Variants in DNAJC2 observed in about 807,000 individuals in gnomAD.
DNAJC2 encodes DnaJ heat shock protein family (Hsp40) member C2, also known as dnaJ homolog subfamily C member 2.
A neutral mutation model predicts 94.0 loss-of-function variants in DNAJC2; 32 were observed. The ratio of observed to expected loss-of-function variants is 0.34; its 90% CI spans 0.26 to 0.46. The LOEUF is 0.46. DNAJC2 is among the 20% of genes least tolerant of loss of function. The pLI is 1.00. For missense variants in DNAJC2, 550 were observed against 719.5 expected (o/e 0.76, Z 2.69); for synonymous variants, 210 against 229.7 (o/e 0.91, Z 0.77).
At position 103,344,687 on chromosome 7, in the gene DNAJC2, C is replaced by T. The variant is rs1052281822; in HGVS notation, c.-65G>A. On this transcript the variant is annotated 5_prime_UTR_variant, in exon 1 of 17. Transcript: ENST00000379263. The stretch of plus-strand genomic sequence containing the variant: ...GTCCCGGGCGGAGGGCGCTTAGGGT[C>T]CCCTCCAGCTCTACCTCTCACTCCG... 1.2e-5 allele frequency: 18 copies of T among 1,542,300 alleles called. No individual in the cohort carries two copies. The highest frequency in any genetic ancestry group is 1.5e-5 in the Non-Finnish European group (17 of 1,129,588).
chr7:103,324,623 AAC>A, intron 5 of DNAJC2, 61 bp from the exon 6 acceptor site: 1 of 1,277,580 alleles, frequency 7.8e-7, no homozygotes, highest in Non-Finnish European at 1.0e-6. Context: ...CAGTTCAACA[AAC>A]AATTTAATTT....
At chr7:103,325,036 T>G (rs915498738) in intron 5 of DNAJC2, among the ~76,000 whole-genome samples, 2 of 152,204 alleles carry the variant, frequency 1.3e-5, no homozygotes, top group African/African-American at 4.8e-5. Flanking sequence ...GCTCAGCACT[T>G]CATTGATCAC....
intron 10 of DNAJC2, among the ~76,000 whole-genome samples, chr7:103,320,587 C>T (rs1278307668): frequency 6.6e-6 from 1 of 150,926 alleles, no homozygotes; most frequent in Non-Finnish European, 1.5e-5. Flanking sequence ...AGTGAAACCC[C>T]GTCTCTACTA....
chr7:103,315,219 A>C (rs867468519), intron 15 of DNAJC2, among the ~76,000 whole-genome samples: 37 of 151,856 alleles, frequency 2.4e-4, no homozygotes, highest in African/African-American at 8.7e-4. Context: ...GAACCCTAAC[A>C]ATTTTTAACA....
At chr7:103,341,031 C>T (rs886724735) in intron 2 of DNAJC2, among the ~76,000 whole-genome samples, 5 of 152,214 alleles carry the variant, frequency 3.3e-5, no homozygotes, top group Admixed American at 3.3e-4. Context: ...TTCTCTTTGT[C>T]TTGTGCCACA....
At chr7:103,318,886 C>T (rs964965605) in intron 12 of DNAJC2, among the ~76,000 whole-genome samples, 1 of 152,118 alleles carries the variant, frequency 6.6e-6, no homozygotes, top group East Asian at 1.9e-4. Flanking sequence ...CCATAAACAT[C>T]TAATCCAACT....
At chr7:103,329,088 A>T in intron 3 of DNAJC2, 1 of 893,078 alleles carries the variant, frequency 1.1e-6, no homozygotes, top group South Asian at 1.6e-5. Flanking sequence ...GGTGGTCAAC[A>T]ATTTTTTTGT....
intron 1 of DNAJC2, chr7:103,344,156 G>A (rs964367639): frequency 3.5e-5 from 7 of 199,204 alleles, no homozygotes; most frequent in Non-Finnish European, 7.1e-5. Context: ...GAGGGAGAAA[G>A]TTGTTTAAGA....
At chr7:103,328,173 C>T (rs1404135788) in intron 3 of DNAJC2, among the ~76,000 whole-genome samples, 2 of 151,598 alleles carry the variant, frequency 1.3e-5, no homozygotes, top group Admixed American at 6.6e-5. Context: ...CCACCCGCCT[C>T]GGCCTCCGAA....
At chr7:103,326,407 A>G (rs367841741) in intron 5 of DNAJC2, 136 bp downstream of exon 5, 20 of 835,452 alleles carry the variant, frequency 2.4e-5, no homozygotes, top group South Asian at 1.2e-4. Context: ...TATTGCAGAG[A>G]AGGAGGAGGA....
chr7:103,327,624 T>C (rs1348332401), intron 4 of DNAJC2, 32 bp downstream of exon 4: 2 of 1,371,708 alleles, frequency 1.5e-6, no homozygotes, highest in Non-Finnish European at 2.1e-6. Flanking sequence ...CAATTACTAT[T>C]AGAAATTCCT....
At chr7:103,335,938 T>C (rs187653072) in intron 3 of DNAJC2, 3,303 of 152,396 alleles carry the variant, frequency 0.022, 60 homozygotes, top group Admixed American at 0.035. Context: ...GAGGCCGATG[T>C]GGGTGGATCA....
At chr7:103,333,793 T>C (rs1323763818) in intron 3 of DNAJC2, among the ~76,000 whole-genome samples, 1 of 152,230 alleles carries the variant, frequency 6.6e-6, no homozygotes, top group Non-Finnish European at 1.5e-5. Context: ...TTGAGATTCA[T>C]CCATGTTTTT....
At chr7:103,340,568 C>T (rs1819337632) in intron 2 of DNAJC2, among the ~76,000 whole-genome samples, 1 of 152,192 alleles carries the variant, frequency 6.6e-6, no homozygotes, top group Admixed American at 6.5e-5. Flanking sequence ...AACAATCTCA[C>T]TGTAGCAACA....
intron 3 of DNAJC2, among the ~76,000 whole-genome samples, chr7:103,329,978 C>T (rs555492858): frequency 2.0e-5 from 3 of 152,160 alleles, no homozygotes; most frequent in African/African-American, 7.2e-5. Flanking sequence ...AAGCAGGCTG[C>T]TTCACCCCTG....
In DNAJC2 at chr7:103,324,950, A is replaced by G. The variant is rs561527682; in HGVS notation, c.573-388T>C. On this transcript the variant is annotated intron_variant, in intron 5 of 16. Coordinates refer to ENST00000379263, the MANE Select transcript of DNAJC2 (RefSeq NM_014377.3). ...CAACCTGTAGGCCTAGCCCTTTAAA[A>G]ATGTTAATATTCACAGAGGGAACTA... Among the ~76,000 whole-genome samples the G allele has an allele frequency of 5.3e-5, 8 of 152,304 alleles. No individual in the cohort carries two copies. In the East Asian group the frequency reaches 1.5e-3, roughly 29 times the overall value.
rs564665549 is a variant in DNAJC2, at chr7:103,313,868, A to C, written c.1637-767T>G. 16 of 985,396 alleles carry C rather than the reference A, an allele frequency of 1.6e-5. No individual in the cohort carries two copies. The African/African-American group carries it at 2.6e-4, about 16-fold the overall frequency. The allele number at this position is 985,396 out of a possible 1,614,324, so 61.0% of individuals were successfully genotyped here. ...TAAGTGGTAGAAAGCTGATTTGGTT[A>C]AGTTAATGGACTTCTGGCAATTTAG... On this transcript the variant is annotated intron_variant, in intron 15 of 16. Transcript: ENST00000379263.
intron 4 of DNAJC2, chr7:103,327,256 C>G (rs1227379136): frequency 2.0e-5 from 15 of 739,708 alleles, no homozygotes; most frequent in Non-Finnish European, 2.6e-5. Context: ...ATCTAAGGAA[C>G]AGTTTAGTCC....
chr7:103,343,734 A>G (rs1819482020), intron 1 of DNAJC2, among the ~76,000 whole-genome samples: 1 of 152,238 alleles, frequency 6.6e-6, no homozygotes, highest in South Asian at 2.1e-4. Context: ...TCCACCTTAC[A>G]CAGGAGAGGA....
Sources: allele counts gnomAD v4.1 joint callset (sites outside exome capture counted in the v4.1 genomes callset), GRCh38; gene constraint gnomAD v4.1.1; transcripts MANE v1.5; gene names NCBI Gene and HGNC (gene_info 2026-07-23, HGNC 2026-07-21).